POLQ: variants seen among roughly 807,000 people sequenced by gnomAD.
POLQ encodes the protein epididymis secretory sperm binding protein.
In POLQ, 233 loss-of-function variants were observed where a neutral mutation model predicts 259.2. The ratio of observed to expected loss-of-function variants is 0.90; its 90% CI spans 0.81 to 1.00. The LOEUF is 1.00. POLQ is among the 50% of genes least tolerant of loss of function. POLQ has a pLI of 0.00. For missense variants in POLQ, 2,871 were observed against 3,051.6 expected, an observed-to-expected ratio of 0.94 and a Z score of 1.39; for synonymous variants, 1,025 against 1,048.8, an observed-to-expected ratio of 0.98 and a Z score of 0.44.
In POLQ at chr3:121,500,802, A is replaced by T. The variant is rs553728466; in HGVS notation, c.1960-2132T>A. On this transcript the variant is annotated intron_variant, in intron 12 of 29. Coordinates refer to ENST00000264233, the MANE Select transcript of POLQ (RefSeq NM_199420.4). The stretch of plus-strand genomic sequence containing the variant: ...CAAAACATTAAAACTGAAGAAAAAA[A>T]ATCTTGAAAACAGCAAGAAAAAGTC... Among the ~76,000 whole-genome samples, 40 of 152,322 alleles carry T rather than the reference A, an allele frequency of 2.6e-4. No homozygotes were observed. The South Asian group carries it at 5.2e-3, about 20-fold the overall frequency.
intron 26 of POLQ, 123 bp from the exon 27 acceptor site, chr3:121,440,239 G>T: frequency 3.1e-6 from 2 of 640,846 alleles, no homozygotes; most frequent in Non-Finnish European, 2.6e-6. Flanking sequence ...ATATCATATC[G>T]TCAAATCAGG....
chr3:121,485,828 C>T (rs933021921), intron 16 of POLQ, among the ~76,000 whole-genome samples: 5 of 152,282 alleles, frequency 3.3e-5, no homozygotes, highest in Admixed American at 2.6e-4. Context: ...CTATTCAACA[C>T]TAAAAGTACA....
At chr3:121,432,895 G>T in intron 29 of POLQ, 23 bp downstream of exon 29, 1 of 1,273,568 alleles carries the variant, frequency 7.9e-7, no homozygotes, top group Non-Finnish European at 1.1e-6. Flanking sequence ...CCTATGGAAT[G>T]GACACAAGCA....
intron 1 of POLQ, among the ~76,000 whole-genome samples, chr3:121,545,351 C>G (rs1214904245): frequency 6.6e-6 from 1 of 152,172 alleles, no homozygotes; most frequent in Non-Finnish European, 1.5e-5. Flanking sequence ...TTCCCCTGGA[C>G]GCCGAACAGC....
In POLQ at chr3:121,467,641, C is replaced by G; in HGVS notation, c.6846-1G>C. On this transcript the variant is annotated splice_acceptor_variant, in intron 23 of 29. Transcript: ENST00000264233. LOFTEE classifies it high-confidence loss of function. ...GCTGAAACCCTTCTTATATTTTCCT[C>G]TGTGGTGCAAACAACATCATCAGTT... is the stretch of plus-strand genomic sequence containing the variant. 1 of 1,613,540 alleles carries G rather than the reference C, an allele frequency of 6.2e-7. No homozygotes were observed. Among genetic ancestry groups the G allele is most frequent in the Non-Finnish European group, 8.5e-7 (1 of 1,179,654 alleles).
chr3:121,447,672 C>T (rs557957833), intron 26 of POLQ, among the ~76,000 whole-genome samples: 13 of 152,212 alleles, frequency 8.5e-5, no homozygotes, highest in Admixed American at 2.6e-4. Flanking sequence ...TTTGTTATTG[C>T]TCATTAACAT....
chr3:121,510,563 C>T (rs1209188037), intron 10 of POLQ, among the ~76,000 whole-genome samples: 1 of 151,096 alleles, frequency 6.6e-6, no homozygotes, highest in African/African-American at 2.4e-5. Flanking sequence ...GGCGACAGAG[C>T]GAGACTCCAT....
intron 10 of POLQ, among the ~76,000 whole-genome samples, chr3:121,511,226 CAAAAAA>C (rs34066876): frequency 1.3e-5 from 1 of 74,942 alleles, no homozygotes; most frequent in Non-Finnish European, 2.4e-5. Context: ...ACTCCGTCTC[CAAAAAA>C]AAAAAAAAAA....
At chr3:121,515,817 C>T (rs2048290663) in intron 9 of POLQ, among the ~76,000 whole-genome samples, 1 of 151,942 alleles carries the variant, frequency 6.6e-6, no homozygotes, top group Non-Finnish European at 1.5e-5. Context: ...TAACAAAGCT[C>T]CAACAATGAA....
rs182535924 is a variant in POLQ, at chr3:121,469,119, C to T, written c.6719-688G>A. On this transcript the variant is annotated intron_variant, in intron 22 of 29. Transcript: ENST00000264233. ...AGGAGAATTGCTTGAACCTGGGAGG[C>T]GGAGGTTGCACTGAGCCGAGATCAT... is the stretch of plus-strand genomic sequence containing the variant. Among the ~76,000 whole-genome samples the T allele has an allele frequency of 6.2e-3, 872 of 140,238 alleles. 10 individuals carry two copies. Among genetic ancestry groups the T allele is most frequent in the South Asian group, 0.013 (55 of 4,366 alleles). 92.0% of individuals were successfully genotyped at this position (140,238 alleles called of 152,430 possible).
chr3:121,477,852 C>A (rs1342862451), intron 19 of POLQ, among the ~76,000 whole-genome samples: 1 of 152,132 alleles, frequency 6.6e-6, no homozygotes, highest in Non-Finnish European at 1.5e-5. Context: ...CACCCGTAAC[C>A]ACCACGAAAA....
In POLQ at chr3:121,432,273, C is replaced by G; in HGVS notation, c.*31G>C. 6.4e-7 allele frequency: 1 copy of G among 1,573,344 alleles called. No individual in the cohort carries two copies. The highest frequency in any genetic ancestry group is 1.7e-4 in the Middle Eastern group (1 of 5,946). Reference sequence around the variant, plus strand: ...TTCCAGGTGACTGCATCTGCACAGGCTTCCCTGGGAGGACTTCATCAACAG... The same window carrying G: ...TTCCAGGTGACTGCATCTGCACAGGGTTCCCTGGGAGGACTTCATCAACAG... On this transcript the variant is annotated 3_prime_UTR_variant, in exon 30 of 30. Coordinates refer to ENST00000264233, the MANE Select transcript of POLQ (RefSeq NM_199420.4).
intron 26 of POLQ, 41 bp from the exon 27 acceptor site, chr3:121,440,157 C>A (rs752983580): frequency 1.3e-6 from 2 of 1,512,018 alleles, no homozygotes; most frequent in Admixed American, 1.7e-5. Flanking sequence ...GAACCAAAGT[C>A]TATCCTTCAC....
intron 25 of POLQ, among the ~76,000 whole-genome samples, chr3:121,452,481 G>A (rs894457379): frequency 2.2e-5 from 3 of 134,388 alleles, no homozygotes; most frequent in Non-Finnish European, 4.7e-5. Context: ...CCTTTTTTTT[G>A]TTGTTACTCC....
At chr3:121,486,009 C>T (rs1226672246) in intron 16 of POLQ, among the ~76,000 whole-genome samples, 1 of 152,150 alleles carries the variant, frequency 6.6e-6, no homozygotes, top group Non-Finnish European at 1.5e-5. Flanking sequence ...AGAGCTCACG[C>T]AATAAGACAG....
At chr3:121,496,780 T>C (rs2048127837) in intron 14 of POLQ, 28 bp downstream of exon 14, 1 of 1,586,692 alleles carries the variant, frequency 6.3e-7, no homozygotes, top group Non-Finnish European at 8.5e-7. Flanking sequence ...CAGTATTAAA[T>C]AAATGTGAAA....
chr3:121,520,024 C>A lies in POLQ; in HGVS notation c.1315G>T (p.Val439Phe), dbSNP rs773109200. Residue 439 changes from valine (V) to phenylalanine (F), a missense_variant, in exon 9 of 30, where the codon GTC (valine) becomes TTC (phenylalanine). Coordinates refer to ENST00000264233, the MANE Select transcript of POLQ (RefSeq NM_199420.4). Reference sequence around the variant, plus strand: ...GAAAGAGTAGAAGTTGCCGCCAAGACCCGAATGAGACCTTGACGAAAGGCT... The same window carrying A: ...GAAAGAGTAGAAGTTGCCGCCAAGAACCGAATGAGACCTTGACGAAAGGCT... ...EGAFRQGLIR[V>F]LAATSTLSSG... is the part of the protein sequence containing the mutation. The A allele has an allele frequency of 6.2e-7, 1 of 1,613,640 alleles. No individual in the cohort carries two copies. The highest frequency in any genetic ancestry group is 8.5e-7 in the Non-Finnish European group (1 of 1,179,600).
chr3:121,483,281 ATACTTT>A (rs2108795223), intron 18 of POLQ, 99 bp downstream of exon 18: 2 of 418,400 alleles, frequency 4.8e-6, no homozygotes, highest in East Asian at 7.4e-5. Flanking sequence ...CTACTCTAAA[ATACTTT>A]TAAGCTGCAT....
At chr3:121,539,045 A>G (rs1388967170) in intron 4 of POLQ, among the ~76,000 whole-genome samples, 3 of 152,212 alleles carry the variant, frequency 2.0e-5, no homozygotes, top group Non-Finnish European at 4.4e-5. Context: ...CTCTGGGTCC[A>G]AGCCCAAAAT....
Sources: allele counts gnomAD v4.1 joint callset (sites outside exome capture counted in the v4.1 genomes callset), GRCh38; gene constraint gnomAD v4.1.1; transcripts MANE v1.5; gene names NCBI Gene and HGNC (gene_info 2026-07-23, HGNC 2026-07-21).